MARCHF1: variants seen among roughly 807,000 people sequenced by gnomAD.
MARCHF1 encodes the protein E3 ubiquitin-protein ligase MARCHF1.
Under a neutral mutation model 54.2 loss-of-function variants are expected in MARCHF1, and 40 were observed. The observed-to-expected ratio is 0.74, with a 90% CI of 0.57 to 0.96. The LOEUF is 0.96. Ranked by LOEUF, MARCHF1 falls within the 40% of genes least tolerant of loss-of-function variation. The pLI is 0.00. For missense variants in MARCHF1, 586 were observed against 656.5 expected (o/e 0.89, Z 1.17); for synonymous variants, 236 against 236.3 (o/e 1.00, Z 0.01).
chr4:163,839,219 G>C (rs990868252), intron 4 of MARCHF1, among the ~76,000 whole-genome samples: 3 of 151,864 alleles, frequency 2.0e-5, no homozygotes, highest in Admixed American at 1.3e-4. Flanking sequence ...ACAATAACAA[G>C]TGTTGGAAAA....
At chr4:163,647,450 T>C (rs1319183144) in intron 5 of MARCHF1, among the ~76,000 whole-genome samples, 1 of 151,972 alleles carries the variant, frequency 6.6e-6, no homozygotes, top group Non-Finnish European at 1.5e-5. Flanking sequence ...TCTAGCAGCA[T>C]GAGAATATGT....
intron 8 of MARCHF1, among the ~76,000 whole-genome samples, chr4:163,546,206 G>A (rs1203018537): frequency 6.6e-6 from 1 of 152,098 alleles, no homozygotes; most frequent in Non-Finnish European, 1.5e-5. Context: ...AAACTCCTGA[G>A]CTCAAGTAAT....
chr4:163,622,484 A>G (rs1579121858), intron 5 of MARCHF1, among the ~76,000 whole-genome samples: 1 of 152,310 alleles, frequency 6.6e-6, no homozygotes, highest in South Asian at 2.1e-4. Flanking sequence ...ATCTACAGTA[A>G]TAGGAGCTCA....
At chr4:164,234,876 T>G (rs1732504147) in intron 1 of MARCHF1, 1 of 152,114 alleles carries the variant, frequency 6.6e-6, no homozygotes, top group Non-Finnish European at 1.5e-5. Flanking sequence ...TACTCAGCGG[T>G]GCTATTGATT....
chr4:164,197,121 C>T (rs1419425001), intron 1 of MARCHF1: 2 of 1,606,218 alleles, frequency 1.2e-6, no homozygotes, highest in Non-Finnish European at 1.7e-6. Context: ...CACTCACGTC[C>T]TCCTCTTCAC....
intron 1 of MARCHF1, among the ~76,000 whole-genome samples, chr4:164,371,299 C>G (rs78831591): frequency 0.082 from 12,421 of 152,082 alleles, 1,090 homozygotes; most frequent in East Asian, 0.28. Flanking sequence ...CATGTTAAAG[C>G]TTTAGTAGAA....
intron 4 of MARCHF1, among the ~76,000 whole-genome samples, chr4:163,742,193 G>A (rs920482148): frequency 6.6e-6 from 1 of 152,306 alleles, no homozygotes; most frequent in South Asian, 2.1e-4. Flanking sequence ...ACATCCACCA[G>A]TTGATCTGTG....
At chr4:164,126,666 T>C (rs1756188869) in intron 1 of MARCHF1, among the ~76,000 whole-genome samples, 1 of 152,176 alleles carries the variant, frequency 6.6e-6, no homozygotes, top group Non-Finnish European at 1.5e-5. Flanking sequence ...AGAGGATTTC[T>C]GTAGAGAAGG....
intron 1 of MARCHF1, among the ~76,000 whole-genome samples, chr4:164,351,911 C>A (rs1730352362): frequency 2.0e-5 from 3 of 150,718 alleles, no homozygotes; most frequent in Non-Finnish European, 4.4e-5. Context: ...CAGACAAGTG[C>A]TTAAAGGAGC....
intron 1 of MARCHF1, among the ~76,000 whole-genome samples, chr4:164,281,327 T>C (rs546377939): frequency 6.6e-6 from 1 of 152,222 alleles, no homozygotes; most frequent in East Asian, 1.9e-4. Context: ...CTGCCTTCCA[T>C]CAAAGGGCTT....
At chr4:164,362,907 C>T (rs565577788) in intron 1 of MARCHF1, among the ~76,000 whole-genome samples, 1 of 151,938 alleles carries the variant, frequency 6.6e-6, no homozygotes, top group Non-Finnish European at 1.5e-5. Flanking sequence ...AAAACTGTTT[C>T]TCTGCAATAT....
At chr4:164,211,446 C>T (rs1731772670) in intron 1 of MARCHF1, among the ~76,000 whole-genome samples, 1 of 151,072 alleles carries the variant, frequency 6.6e-6, no homozygotes, top group African/African-American at 2.4e-5. Context: ...TATTATTTCT[C>T]AGTAAAAATA....
intron 4 of MARCHF1, among the ~76,000 whole-genome samples, chr4:163,725,950 A>G (rs543259870): frequency 6.0e-4 from 91 of 152,166 alleles, no homozygotes; most frequent in Middle Eastern, 6.8e-3. Context: ...AAACTGTAAT[A>G]AATTGATAAC....
chr4:164,334,701 A>C (rs190219763), intron 1 of MARCHF1, among the ~76,000 whole-genome samples: 22 of 152,364 alleles, frequency 1.4e-4, no homozygotes, highest in African/African-American at 5.3e-4. Flanking sequence ...TATTTAAAAA[A>C]TACATTTCTT....
intron 5 of MARCHF1, among the ~76,000 whole-genome samples, chr4:163,686,089 C>A (rs745322526): frequency 3.7e-4 from 56 of 152,148 alleles, no homozygotes; most frequent in Non-Finnish European, 4.6e-4. Context: ...GAATGCTTAA[C>A]ACATAGTAAG....
chr4:164,109,387 A>G (rs1755781445), intron 2 of MARCHF1, among the ~76,000 whole-genome samples: 1 of 151,994 alleles, frequency 6.6e-6, no homozygotes, highest in Admixed American at 6.6e-5. Context: ...CTACACTAAT[A>G]ACAGTCCAGG....
At chr4:163,687,981 C>T (rs1331129467) in intron 5 of MARCHF1, among the ~76,000 whole-genome samples, 2 of 152,044 alleles carry the variant, frequency 1.3e-5, no homozygotes, top group Non-Finnish European at 2.9e-5. Flanking sequence ...AAAGACAGCC[C>T]AATTGGGTAG....
In MARCHF1 at chr4:163,729,552, T is replaced by C. The variant is rs148312235; in HGVS notation, c.112-28689A>G. On this transcript the variant is annotated intron_variant, in intron 4 of 9. Transcript: ENST00000514618. ...TAATAGATACAAGCCTACTCAAAGT[T>C]TTTTATTTCTTCTTATGTAAATTTT... 1.4e-3 allele frequency among the ~76,000 whole-genome samples: 217 copies of C among 152,194 alleles called. 1 individual carries two copies. Among genetic ancestry groups the C allele is most frequent in the African/African-American group, 5.1e-3 (210 of 41,568 alleles).
rs1735242816 is a variant in MARCHF1 at position 164,325,217 on chromosome 4, A to G, written c.-323+58653T>C. 2.0e-5 allele frequency among the ~76,000 whole-genome samples: 3 copies of G among 151,590 alleles called. No individual in the cohort carries two copies. In the South Asian group the frequency reaches 6.2e-4, roughly 31 times the overall value. On this transcript the variant is annotated intron_variant, in intron 1 of 9. Coordinates refer to ENST00000514618, the MANE Select transcript of MARCHF1 (RefSeq NM_001394959.1). ...AATGAAAGATGCAGGTAATAATCAA[A>G]ACAATAAGAGAACACATGACTCTAA...
Sources: gnomAD v4.1 joint callset for allele counts (sites outside exome capture counted in the v4.1 genomes callset) on GRCh38, gnomAD v4.1.1 for gene constraint, MANE v1.5 for transcripts, NCBI Gene and HGNC (gene_info 2026-07-23, HGNC 2026-07-21) for gene names.